The following ZC3H4 variants were observed in gnomAD, a reference collection of about 807,000 sequenced individuals.
The protein encoded by ZC3H4 is zinc finger CCCH-type containing 4.
In ZC3H4, 13 loss-of-function variants were observed where a neutral mutation model predicts 108.3. That is an observed-to-expected ratio of 0.12 (90% CI 0.08 to 0.19). The LOEUF (loss-of-function observed/expected upper bound fraction) is 0.19. ZC3H4 is among the 10% of genes least tolerant of loss of function. The probability of loss-of-function intolerance (pLI) is 1.00; values close to 1 mark genes in which losing one functional copy is unlikely to be tolerated. For missense variants in ZC3H4, 1,734 were observed against 1,838.8 expected (o/e 0.94, Z 1.04); for synonymous variants, 917 against 749.6 (o/e 1.22, Z -3.65).
intron 2 of ZC3H4, among the ~76,000 whole-genome samples, chr19:47,111,216 C>A (rs888568803): frequency 1.3e-5 from 2 of 152,214 alleles, no homozygotes; most frequent in African/African-American, 4.8e-5. Context: ...CCTCTTCTCT[C>A]GCCCCACCAG....
chr19:47,075,893 C>A (rs2057409708), intron 11 of ZC3H4, among the ~76,000 whole-genome samples: 1 of 152,182 alleles, frequency 6.6e-6, no homozygotes, highest in East Asian at 1.9e-4. Flanking sequence ...CCAGCACAGA[C>A]CCTGTGGAGG....
intron 2 of ZC3H4, among the ~76,000 whole-genome samples, chr19:47,110,219 G>A (rs892094049): frequency 1.3e-5 from 2 of 152,084 alleles, no homozygotes; most frequent in African/African-American, 4.8e-5. Flanking sequence ...TGGGGAGTGG[G>A]GGGGAGGGGA....
In ZC3H4 at chr19:47,066,352, G is replaced by C. The variant is rs1474121424; in HGVS notation, c.*4C>G. The C allele has an allele frequency of 6.5e-7, 1 of 1,530,118 alleles. No homozygotes were observed. The highest frequency in any genetic ancestry group is 2.1e-5 in the Admixed American group (1 of 46,724). 94.8% of individuals were successfully genotyped at this position (1,530,118 alleles called of 1,614,324 possible). A position where few individuals can be genotyped will look rare whatever the true frequency, so the allele number is the denominator to read the frequency against. On this transcript the variant is annotated 3_prime_UTR_variant, in exon 15 of 15. Transcript: ENST00000253048. ...GTGGCTGGAGCCGCAGCTCTGGCTGGACACTACTGGCAAAAGGGGGAGGCC... is the reference window on the plus strand; with the variant it reads ...GTGGCTGGAGCCGCAGCTCTGGCTGCACACTACTGGCAAAAGGGGGAGGCC...
rs187379051 is a variant in ZC3H4 at position 47,082,390 on chromosome 19, A to G, written c.1219-95T>C. On this transcript the variant is annotated intron_variant, in intron 9 of 14. Transcript: ENST00000253048. Reference sequence around the variant, plus strand: ...GAAGAAATACTGTCACTGCTGGTGCATGGAGGGGCCAATGACAGAAACGAA... The same window carrying G: ...GAAGAAATACTGTCACTGCTGGTGCGTGGAGGGGCCAATGACAGAAACGAA... 7.6e-5 allele frequency: 70 copies of G among 923,672 alleles called. No homozygotes were observed. The Admixed American group carries it at 8.1e-4, about 11-fold the overall frequency. 57.2% of individuals were successfully genotyped at this position (923,672 alleles called of 1,614,324 possible). A position where few individuals can be genotyped will look rare whatever the true frequency, so the allele number is the denominator to read the frequency against.
At chr19:47,103,755 T>C (rs568190204) in intron 2 of ZC3H4, among the ~76,000 whole-genome samples, 4 of 120,810 alleles carry the variant, frequency 3.3e-5, no homozygotes, top group African/African-American at 6.3e-5. Context: ...TGAAACCCCG[T>C]CTCTACTAAA....
chr19:47,066,635 G>A lies in ZC3H4; in HGVS notation c.3633C>T (p.Pro1211=). The A allele has an allele frequency of 3.1e-6, 5 of 1,611,846 alleles. No individual in the cohort carries two copies. Among genetic ancestry groups the A allele is most frequent in the Non-Finnish European group, 4.2e-6 (5 of 1,179,592 alleles). Residue 1211 remains proline (P), a synonymous_variant, in exon 15 of 15, where the codon CCC becomes CCT. Transcript: ENST00000253048. ...TGKAGADGGT[P]TDRYNSYNRP... Reference sequence around the variant, plus strand: ...GGTTGTAGCTGTTGTATCTGTCCGTGGGGGTGCCCCCATCAGCACCGGCCT... The same window carrying A: ...GGTTGTAGCTGTTGTATCTGTCCGTAGGGGTGCCCCCATCAGCACCGGCCT...
intron 6 of ZC3H4, 93 bp from the exon 7 acceptor site, chr19:47,085,507 G>T: frequency 1.7e-6 from 2 of 1,156,648 alleles, no homozygotes; most frequent in Non-Finnish European, 2.4e-6. Context: ...GAAGGATGGT[G>T]ACCATCCAGG....
In ZC3H4 at chr19:47,094,462, A is replaced by T. The variant is rs779965467; in HGVS notation, c.308T>A (p.Leu103Gln). The T allele has an allele frequency of 6.2e-7, 1 of 1,613,998 alleles. No homozygotes were observed. The highest frequency in any genetic ancestry group is 1.3e-5 in the African/African-American group (1 of 74,880). The change falls in exon 3 of 15, where the codon CTG becomes CAG. Residue 103 changes from leucine to glutamine, a missense_variant. Physicochemically the swap from Leu to Gln is moderately radical, Grantham distance 113. Around this residue, in one of 9 missense-constraint regions of ZC3H4, gnomAD observed 403 missense variants for 457.0 expected, o/e 0.88. Transcript: ENST00000253048. ...CCGCTCTTTCTTCCGTTTCCGCTTC[A>T]GTCTCCTGTGGGACTTCTCCTCATC... Reference protein sequence around the residue: ...DSDEEKSHRRLKRKRKKEREK... With the variant: ...DSDEEKSHRRQKRKRKKEREK...
At chr19:47,087,853 G>C (rs530726291) in intron 5 of ZC3H4, among the ~76,000 whole-genome samples, 1 of 151,052 alleles carries the variant, frequency 6.6e-6, no homozygotes. Context: ...CAGCCTGAGC[G>C]ACAGAGTGAG....
At chr19:47,089,454 G>A (rs906673322) in intron 5 of ZC3H4, among the ~76,000 whole-genome samples, 62 of 152,290 alleles carry the variant, frequency 4.1e-4, no homozygotes, top group African/African-American at 1.4e-3. Flanking sequence ...TGGGATTACA[G>A]GCATGGGCCA....
At position 47,091,866 on chromosome 19, in the gene ZC3H4, T is replaced by G. The variant is rs1227072845; in HGVS notation, c.493-1677A>C. 6.1e-5 allele frequency among the ~76,000 whole-genome samples: 9 copies of G among 148,428 alleles called. No homozygotes were observed. In the East Asian group the frequency reaches 1.8e-3, roughly 30 times the overall value. On this transcript the variant is annotated intron_variant, in intron 4 of 14. Coordinates refer to ENST00000253048, the MANE Select transcript of ZC3H4 (RefSeq NM_015168.2). Reference sequence around the variant, plus strand: ...CGAGATTGTGCCACTGCACTCCAGCTTGGGCGACAGAGCGAGACTCCATCT... The same window carrying G: ...CGAGATTGTGCCACTGCACTCCAGCGTGGGCGACAGAGCGAGACTCCATCT...
intron 14 of ZC3H4, among the ~76,000 whole-genome samples, chr19:47,068,812 G>C (rs895743857): frequency 2.0e-5 from 3 of 152,194 alleles, no homozygotes; most frequent in Non-Finnish European, 2.9e-5. Flanking sequence ...GGGCACAGGC[G>C]GTCAATCCTG....
intron 2 of ZC3H4, chr19:47,110,766 C>T (rs1468670497): frequency 9.7e-6 from 4 of 413,094 alleles, no homozygotes; most frequent in Admixed American, 6.4e-5. Flanking sequence ...CCAACGAGGG[C>T]TTAGCGAACA....
intron 2 of ZC3H4, among the ~76,000 whole-genome samples, chr19:47,109,078 CTGAG>C (rs2058003314): frequency 6.6e-6 from 1 of 151,948 alleles, no homozygotes; most frequent in Admixed American, 6.6e-5. Flanking sequence ...ATCAGGGATT[CTGAG>C]TGACACCCTT....
intron 13 of ZC3H4, among the ~76,000 whole-genome samples, chr19:47,071,381 C>T (rs888846162): frequency 4.6e-5 from 7 of 152,238 alleles, no homozygotes; most frequent in South Asian, 4.2e-4. Flanking sequence ...GCACAGAACC[C>T]GCAGAGTCCT....
intron 2 of ZC3H4, among the ~76,000 whole-genome samples, chr19:47,095,785 A>G (rs1177766186): frequency 6.6e-6 from 1 of 152,168 alleles, no homozygotes; most frequent in Non-Finnish European, 1.5e-5. Context: ...AATTTTAAAA[A>G]GCTCCCAAAG....
chr19:47,085,471 T>C, intron 6 of ZC3H4, 57 bp from the exon 7 acceptor site: 1 of 1,429,740 alleles, frequency 7.0e-7, no homozygotes, highest in Non-Finnish European at 9.5e-7. Flanking sequence ...ATGAACACTG[T>C]CCCCACCTAC....
chr19:47,089,956 G>C lies in ZC3H4; in HGVS notation c.715+11C>G. On this transcript the variant is annotated intron_variant, in intron 5 of 14. Coordinates refer to ENST00000253048, the MANE Select transcript of ZC3H4 (RefSeq NM_015168.2). Reference sequence around the variant, plus strand: ...ATGCCCCAGAGGAGAAACTGTAAGGGCAGGGCTCACCTCGGCCGCGGCTGC... The same window carrying C: ...ATGCCCCAGAGGAGAAACTGTAAGGCCAGGGCTCACCTCGGCCGCGGCTGC... 1.2e-6 allele frequency: 2 copies of C among 1,613,834 alleles called. No individual in the cohort carries two copies. Among genetic ancestry groups the C allele is most frequent in the Non-Finnish European group, 1.7e-6 (2 of 1,179,960 alleles).
chr19:47,072,780 TGA>T lies in ZC3H4; in HGVS notation c.1441-69_1441-68del. On this transcript the variant is annotated intron_variant, in intron 11 of 14. Transcript: ENST00000253048. The surrounding 1 kb of genome is among the most constrained non-coding windows in gnomAD (Gnocchi z 5.6). ...GGATGGAAACGGACCTCTCCAGGTC[TGA>T]GAGCTGAAGTTTATGAGGAAAAGTC... is the stretch of plus-strand genomic sequence containing the variant. 1 of 1,576,756 alleles carries T rather than the reference TGA, an allele frequency of 6.3e-7. No homozygotes were observed. Among genetic ancestry groups the T allele is most frequent in the Admixed American group, 1.8e-5 (1 of 55,970 alleles).
Sources: allele counts gnomAD v4.1 joint callset (sites outside exome capture counted in the v4.1 genomes callset), GRCh38; gene constraint gnomAD v4.1.1; regional missense constraint gnomAD v4.1.1; non-coding constraint Gnocchi (gnomAD v3.1); transcripts MANE v1.5; gene names NCBI Gene and HGNC (gene_info 2026-07-23, HGNC 2026-07-21).